CACNA2D2: variants seen among roughly 807,000 people sequenced by gnomAD.
The protein encoded by CACNA2D2 is calcium voltage-gated channel auxiliary subunit alpha2delta 2, also known as voltage-dependent calcium channel subunit alpha-2/delta-2.
CACNA2D2 carries 48 observed loss-of-function variants against 166.4 expected under a neutral mutation model. The ratio of observed to expected loss-of-function variants is 0.29; its 90% CI spans 0.23 to 0.37. CACNA2D2 has a LOEUF of 0.37. CACNA2D2 is among the 10% of genes least tolerant of loss of function. The probability of loss-of-function intolerance (pLI) is 1.00; values close to 1 mark genes in which losing one functional copy is unlikely to be tolerated. For missense variants in CACNA2D2, 1,122 were observed against 1,433.0 expected, an observed-to-expected ratio of 0.78 and a Z score of 3.50; for synonymous variants, 561 against 573.7, an observed-to-expected ratio of 0.98 and a Z score of 0.32.
At chr3:50,393,380 C>G (rs1043048649) in intron 4 of CACNA2D2, among the ~76,000 whole-genome samples, 1 of 152,228 alleles carries the variant, frequency 6.6e-6, no homozygotes. Flanking sequence ...ATCCTTGGCA[C>G]TGGGGCTTCC....
At position 50,379,010 on chromosome 3, in the gene CACNA2D2, G is replaced by A. The variant is rs765667551; in HGVS notation, c.1261-17C>T. On this transcript the variant is annotated splice_polypyrimidine_tract_variant and intron_variant, in intron 12 of 37. Coordinates refer to ENST00000424201, the MANE Select transcript of CACNA2D2 (RefSeq NM_006030.4). This position sits in a 1 kb window ranked among gnomAD's most constrained non-coding sequence, Gnocchi z 6.5. ...CACGCGCACCTGTGGGGGGTTTGAG[G>A]TTACTGCTGTGGCCACCAGGGGACA... The A allele has an allele frequency of 1.2e-6, 2 of 1,613,804 alleles. No homozygotes were observed. The highest frequency in any genetic ancestry group is 2.2e-5 in the South Asian group (2 of 91,088).
intron 2 of CACNA2D2, among the ~76,000 whole-genome samples, chr3:50,448,085 C>T (rs1708936305): frequency 6.6e-6 from 1 of 152,152 alleles, no homozygotes; most frequent in Admixed American, 6.5e-5. Flanking sequence ...TACCCTAGGG[C>T]CCTTAGGGAA....
At chr3:50,487,585 A>T (rs1698342961) in intron 1 of CACNA2D2, among the ~76,000 whole-genome samples, 1 of 151,952 alleles carries the variant, frequency 6.6e-6, no homozygotes, top group Non-Finnish European at 1.5e-5. Context: ...CTCTGTGGTG[A>T]CTCCTTTAGC....
At chr3:50,392,165 TG>T (rs1211604161) in intron 4 of CACNA2D2, among the ~76,000 whole-genome samples, 1 of 152,118 alleles carries the variant, frequency 6.6e-6, no homozygotes, top group Non-Finnish European at 1.5e-5. Context: ...GTGGTGTGCC[TG>T]CAAGGGACAA....
intron 2 of CACNA2D2, among the ~76,000 whole-genome samples, chr3:50,459,496 C>T (rs1218486848): frequency 6.6e-6 from 1 of 152,168 alleles, no homozygotes; most frequent in Non-Finnish European, 1.5e-5. Flanking sequence ...CCCCATGGTG[C>T]CCTGCTCCCC....
intron 2 of CACNA2D2, among the ~76,000 whole-genome samples, chr3:50,471,744 C>G (rs1234322089): frequency 6.6e-6 from 1 of 152,172 alleles, no homozygotes; most frequent in East Asian, 1.9e-4. Flanking sequence ...GAGAAAGTGG[C>G]CCTGGACATG....
chr3:50,463,706 C>T (rs1709691118), intron 2 of CACNA2D2, among the ~76,000 whole-genome samples: 1 of 152,236 alleles, frequency 6.6e-6, no homozygotes, highest in African/African-American at 2.4e-5. Flanking sequence ...CCTGGAATCC[C>T]CAACTCTTTG....
chr3:50,410,015 A>G (rs953087681), intron 3 of CACNA2D2, among the ~76,000 whole-genome samples: 3 of 152,112 alleles, frequency 2.0e-5, no homozygotes, highest in African/African-American at 7.2e-5. Context: ...GAAGGCAGGG[A>G]GTTGTATACA....
chr3:50,431,266 A>G (rs1271798735), intron 3 of CACNA2D2, among the ~76,000 whole-genome samples: 4 of 152,186 alleles, frequency 2.6e-5, no homozygotes, highest in Non-Finnish European at 4.4e-5. Context: ...CATTTAAAAC[A>G]TAATTAAAAC....
chr3:50,495,469 C>T (rs73835511), intron 1 of CACNA2D2, among the ~76,000 whole-genome samples: 16,269 of 152,252 alleles, frequency 0.11, 1,067 homozygotes, highest in Non-Finnish European at 0.14. Flanking sequence ...GGGGCCAGGG[C>T]CCATCACAGG....
Position 50,378,998 on chromosome 3 carries a change from G to T in CACNA2D2, c.1261-5C>A, listed in dbSNP as rs201656322. 4,640 of 1,613,916 alleles carry T rather than the reference G, an allele frequency of 2.9e-3. 10 individuals carry two copies. Among genetic ancestry groups the T allele is most frequent in the Non-Finnish European group, 3.6e-3 (4,289 of 1,180,012 alleles). ...GGAGAAAGTAAACACGCGCACCTGT[G>T]GGGGGTTTGAGGTTACTGCTGTGGC... On this transcript the variant is annotated splice_polypyrimidine_tract_variant and splice_region_variant and intron_variant, in intron 12 of 37. Transcript: ENST00000424201.
chr3:50,436,002 G>A (rs1010406943), intron 2 of CACNA2D2, among the ~76,000 whole-genome samples: 1 of 152,186 alleles, frequency 6.6e-6, no homozygotes, highest in African/African-American at 2.4e-5. Context: ...GACACAGGGT[G>A]AGGAGGGGTC....
intron 3 of CACNA2D2, among the ~76,000 whole-genome samples, chr3:50,433,290 A>G (rs1192515418): frequency 1.3e-5 from 2 of 152,118 alleles, no homozygotes; most frequent in Non-Finnish European, 1.5e-5. Context: ...TTCACTTAGC[A>G]TAATGTTTTT....
chr3:50,477,805 G>A (rs2107099309), intron 1 of CACNA2D2, among the ~76,000 whole-genome samples: 1 of 152,224 alleles, frequency 6.6e-6, no homozygotes, highest in Non-Finnish European at 1.5e-5. Flanking sequence ...ATTGCATCTG[G>A]TCCCAACTCC....
At chr3:50,405,422 GC>G (rs1472722104) in intron 3 of CACNA2D2, among the ~76,000 whole-genome samples, 2 of 152,200 alleles carry the variant, frequency 1.3e-5, no homozygotes, top group Non-Finnish European at 2.9e-5. Flanking sequence ...AGAGCAAGCA[GC>G]TTGGGCGAAG....
intron 22 of CACNA2D2, among the ~76,000 whole-genome samples, chr3:50,370,863 C>T (rs1186934892): frequency 3.3e-5 from 5 of 152,122 alleles, no homozygotes; most frequent in Admixed American, 6.5e-5. Context: ...CTTTTGGCTG[C>T]GGATTTTTCT....
At chr3:50,368,082 C>T in intron 24 of CACNA2D2, 56 bp downstream of exon 24, 1 of 1,374,506 alleles carries the variant, frequency 7.3e-7, no homozygotes, top group Non-Finnish European at 1.0e-6. Flanking sequence ...TTCCTCTGGG[C>T]TGGCCCCATG....
intron 22 of CACNA2D2, among the ~76,000 whole-genome samples, chr3:50,373,432 G>T (rs907623258): frequency 2.1e-5 from 3 of 141,000 alleles, no homozygotes; most frequent in Non-Finnish European, 3.1e-5. Flanking sequence ...AGAGGCCCAG[G>T]ATGAGCAGGG....
Position 50,378,079 on chromosome 3 carries a change from C to A in CACNA2D2, c.1408G>T (p.Gly470Cys). The A allele has an allele frequency of 6.2e-7, 1 of 1,613,612 alleles. No homozygotes were observed. Among genetic ancestry groups the A allele is most frequent in the Non-Finnish European group, 8.5e-7 (1 of 1,180,022 alleles). The change falls in exon 15 of 38, where the codon GGC becomes TGC. Residue 470 changes from glycine (G) to cysteine (C), a missense_variant. By Grantham distance (159) the Gly-to-Cys change is radical (BLOSUM62 -3). This residue lies in a region of CACNA2D2 where 840 missense variants were observed against 1,166.8 expected (regional missense o/e 0.72). Coordinates refer to ENST00000424201, the MANE Select transcript of CACNA2D2 (RefSeq NM_006030.4). ...TTGCCTGCCAGCACCATGGGCCTGC[C>A]CAACACATCTAGATATTCCTGGGGA... Reference protein sequence around the residue: ...INTQEYLDVLGRPMVLAGKEA... With the variant: ...INTQEYLDVLCRPMVLAGKEA...
Sources: allele counts gnomAD v4.1 joint callset (sites outside exome capture counted in the v4.1 genomes callset), GRCh38; gene constraint gnomAD v4.1.1; regional missense constraint gnomAD v4.1.1; non-coding constraint Gnocchi (gnomAD v3.1); transcripts MANE v1.5; gene names NCBI Gene and HGNC (gene_info 2026-07-23, HGNC 2026-07-21).